NFIA: variants seen among roughly 807,000 people sequenced by gnomAD.
The protein encoded by NFIA is nuclear factor I A, also known as nuclear factor 1 A-type.
Under a neutral mutation model 62.8 loss-of-function variants are expected in NFIA, and 8 were observed. The ratio of observed to expected loss-of-function variants is 0.13; its 90% confidence interval spans 0.07 to 0.23. The LOEUF is 0.23. Among genes scored for constraint, NFIA ranks in the 10% least tolerant of loss-of-function variants. NFIA has a pLI of 1.00. For missense variants in NFIA, 410 were observed against 642.1 expected (o/e 0.64, Z 3.91); for synonymous variants, 235 against 238.1 (o/e 0.99, Z 0.12).
intron 10 of NFIA, among the ~76,000 whole-genome samples, chr1:61,428,362 G>C (rs1453841203): frequency 6.7e-6 from 1 of 148,714 alleles, no homozygotes; most frequent in South Asian, 2.1e-4. Flanking sequence ...TGTAGGCCCA[G>C]TATTGGCATC....
At chr1:61,390,292 A>C (rs999495047) in intron 7 of NFIA, among the ~76,000 whole-genome samples, 4 of 152,178 alleles carry the variant, frequency 2.6e-5, no homozygotes, top group African/African-American at 9.7e-5. Flanking sequence ...AGACATACGA[A>C]ATGCAAACAT....
intron 2 of NFIA, among the ~76,000 whole-genome samples, chr1:61,128,596 A>G (rs1417928813): frequency 2.6e-5 from 4 of 152,114 alleles, no homozygotes; most frequent in Admixed American, 2.6e-4. Flanking sequence ...CCATCTCAAA[A>G]CCAAAAAAGA....
At chr1:61,104,149 T>A (rs984149283) in intron 2 of NFIA, among the ~76,000 whole-genome samples, 23 of 152,270 alleles carry the variant, frequency 1.5e-4, no homozygotes, top group African/African-American at 5.3e-4. Flanking sequence ...GCTATTGCAT[T>A]TTTAAAGAGC....
intron 6 of NFIA, 93 bp from the exon 7 acceptor site, chr1:61,383,144 T>G: frequency 6.8e-7 from 1 of 1,476,256 alleles, no homozygotes; most frequent in Non-Finnish European, 9.2e-7. Context: ...TCTCTTTTTG[T>G]TTGTTTTTAA....
intron 2 of NFIA, among the ~76,000 whole-genome samples, chr1:61,118,583 T>C (rs773277517): frequency 1.1e-4 from 17 of 151,942 alleles, no homozygotes; most frequent in Admixed American, 3.9e-4. Flanking sequence ...TAGATGGGAA[T>C]GTGAAGGATG....
At position 61,192,427 on chromosome 1, in the gene NFIA, C is replaced by A. The variant is rs570494060; in HGVS notation, c.560-85093C>A. Among the ~76,000 whole-genome samples the A allele has an allele frequency of 3.3e-5, 5 of 152,202 alleles. No individual in the cohort carries two copies. In the South Asian group the frequency reaches 1.0e-3, roughly 32 times the overall value. Reference sequence around the variant, plus strand: ...TAAAATGTCAAAATACCTTGCCAGGCGCAGTGGCTCATGCCTGTAATCACA... The same window carrying A: ...TAAAATGTCAAAATACCTTGCCAGGAGCAGTGGCTCATGCCTGTAATCACA... On this transcript the variant is annotated intron_variant, in intron 2 of 10. Transcript: ENST00000403491.
intron 2 of NFIA, among the ~76,000 whole-genome samples, chr1:61,099,655 G>A (rs969826472): frequency 5.3e-5 from 8 of 152,050 alleles, no homozygotes; most frequent in East Asian, 3.9e-4. Context: ...GATGACCTTC[G>A]TTGTGGCTTA....
At chr1:61,242,147 AC>A (rs1298312489) in intron 2 of NFIA, among the ~76,000 whole-genome samples, 2 of 152,212 alleles carry the variant, frequency 1.3e-5, no homozygotes, top group Non-Finnish European at 2.9e-5. Context: ...GTGAATTAAA[AC>A]ATACTGCTGT....
At chr1:61,228,721 G>A (rs757920618) in intron 2 of NFIA, among the ~76,000 whole-genome samples, 8 of 152,018 alleles carry the variant, frequency 5.3e-5, no homozygotes, top group Non-Finnish European at 1.5e-5. Context: ...GGTTTTCGGT[G>A]TAATGTTAAA....
intron 2 of NFIA, among the ~76,000 whole-genome samples, chr1:61,150,756 G>A (rs2100520340): frequency 6.6e-6 from 1 of 152,232 alleles, no homozygotes; most frequent in South Asian, 2.1e-4. Context: ...ACTCTTCTGT[G>A]GGCTCAAGAG....
chr1:61,085,575 T>A (rs796228352), intron 1 of NFIA, among the ~76,000 whole-genome samples: 9 of 152,302 alleles, frequency 5.9e-5, no homozygotes, highest in African/African-American at 2.2e-4. Context: ...CTACTTTTTT[T>A]TTTTAACTAA....
intron 2 of NFIA, among the ~76,000 whole-genome samples, chr1:61,234,632 G>A (rs945766080): frequency 3.3e-5 from 5 of 152,170 alleles, no homozygotes; most frequent in African/African-American, 1.2e-4. Flanking sequence ...GTTAGCTCTA[G>A]TCCCAGCAAG....
intron 9 of NFIA, among the ~76,000 whole-genome samples, chr1:61,422,556 G>A (rs1666673990): frequency 6.6e-6 from 1 of 152,106 alleles, no homozygotes; most frequent in Non-Finnish European, 1.5e-5. Flanking sequence ...ACTGGAATTT[G>A]TTTGGCTAGC....
chr1:61,081,821 C>T, upstream of NFIA: 3 of 1,487,780 alleles, frequency 2.0e-6, no homozygotes, highest in East Asian at 5.1e-5. Flanking sequence ...ATTACCTCTG[C>T]CGACGAATCT....
rs1668359338 is a variant in NFIA at position 61,457,464 on chromosome 1, G to A, written c.*2144G>A. ...TAGTCTTTATTGTCCTGTACGGTCG[G>A]TGGCAGTGCTATTCTGAGATCTGTA... On this transcript the variant is annotated 3_prime_UTR_variant, in exon 11 of 11. Transcript: ENST00000403491. This position sits in a 1 kb window ranked among gnomAD's most constrained non-coding sequence, Gnocchi z 4.2. 6.6e-6 allele frequency: 1 copy of A among 152,144 alleles called. No homozygotes were observed. Among genetic ancestry groups the A allele is most frequent in the African/African-American group, 2.4e-5 (1 of 41,436 alleles). 9.4% of individuals were successfully genotyped at this position (152,144 alleles called of 1,614,324 possible).
chr1:61,213,239 A>T (rs1368181038), intron 2 of NFIA, among the ~76,000 whole-genome samples: 1 of 152,178 alleles, frequency 6.6e-6, no homozygotes, highest in Non-Finnish European at 1.5e-5. Flanking sequence ...AGACCCTTAG[A>T]AGTTCCTGGT....
intron 3 of NFIA, among the ~76,000 whole-genome samples, chr1:61,319,579 T>C (rs1660555350): frequency 6.6e-6 from 1 of 152,106 alleles, no homozygotes; most frequent in Non-Finnish European, 1.5e-5. Flanking sequence ...AAAATAATGA[T>C]AACCTATGTG....
At chr1:61,449,392 C>T (rs1015739491) in intron 10 of NFIA, among the ~76,000 whole-genome samples, 2 of 152,218 alleles carry the variant, frequency 1.3e-5, no homozygotes, top group Non-Finnish European at 2.9e-5. Flanking sequence ...CATGCCCACC[C>T]TGGCATCCCT....
At chr1:61,290,114 A>T (rs1045904267) in intron 3 of NFIA, among the ~76,000 whole-genome samples, 2 of 146,864 alleles carry the variant, frequency 1.4e-5, no homozygotes, top group African/African-American at 5.1e-5. Flanking sequence ...CTCAAGTATT[A>T]TGAGTATATG....
Sources: gnomAD v4.1 joint callset for allele counts (sites outside exome capture counted in the v4.1 genomes callset) on GRCh38, gnomAD v4.1.1 for gene constraint, Gnocchi (gnomAD v3.1) non-coding constraint, MANE v1.5 for transcripts, NCBI Gene and HGNC (gene_info 2026-07-23, HGNC 2026-07-21) for gene names.